PHEX: variants seen among roughly 807,000 people sequenced by gnomAD.
PHEX encodes the protein phosphate-regulating neutral endopeptidase PHEX.
A neutral mutation model predicts 68.0 loss-of-function variants in PHEX; 16 were observed. The ratio of observed to expected loss-of-function variants is 0.24; its 90% CI spans 0.16 to 0.36. The LOEUF is 0.36. Ranked by LOEUF, PHEX falls within the 10% of genes least tolerant of loss-of-function variation. The pLI, the probability that PHEX is intolerant of heterozygous loss-of-function variation, is 1.00. For missense variants in PHEX, 480 were observed against 575.5 expected (o/e 0.83, Z 1.70); for synonymous variants, 208 against 205.1 (o/e 1.01, Z -0.12).
intron 12 of PHEX, among the ~76,000 whole-genome samples, chrX:22,166,769 C>T (rs893104521): frequency 1.8e-5 from 2 of 110,539 alleles, no homozygotes; most frequent in African/African-American, 6.6e-5. Context: ...ATCTTTTGAC[C>T]AACTCCCTAA....
chrX:22,060,220 A>G (rs779348662), intron 3 of PHEX, among the ~76,000 whole-genome samples: 3 of 110,857 alleles, frequency 2.7e-5, no homozygotes, highest in African/African-American at 9.8e-5. Flanking sequence ...AGTGCAAATG[A>G]TTGGAAATAG....
At chrX:22,170,963 C>A (rs1933504776) in intron 13 of PHEX, among the ~76,000 whole-genome samples, 1 of 112,365 alleles carries the variant, frequency 8.9e-6, no homozygotes, top group Admixed American at 9.4e-5. Context: ...TTTCATCTGA[C>A]TCATTGCCAA....
intron 3 of PHEX, among the ~76,000 whole-genome samples, chrX:22,058,201 G>A (rs1269263804): frequency 2.7e-5 from 3 of 110,735 alleles, no homozygotes; most frequent in East Asian, 5.6e-4. Context: ...AAAAAAAAAA[G>A]GGATTCTGCC....
chrX:22,234,186 C>CT (rs1187263732), intron 20 of PHEX, among the ~76,000 whole-genome samples: 1 of 112,900 alleles, frequency 8.9e-6, no homozygotes, highest in Non-Finnish European at 1.9e-5. Context: ...GGGGCACCTG[C>CT]CAGATGCCAG....
chrX:22,083,014 A>G (rs1929463768), intron 5 of PHEX, among the ~76,000 whole-genome samples: 1 of 111,886 alleles, frequency 8.9e-6, no homozygotes, highest in Non-Finnish European at 1.9e-5. Flanking sequence ...GGATACATAG[A>G]TCAATGGAAG....
chrX:22,097,839 C>G (rs1165790366), intron 8 of PHEX: 3 of 255,541 alleles, frequency 1.2e-5, no homozygotes, highest in Non-Finnish European at 1.6e-5. Context: ...GTGATCTTGG[C>G]TCATTGCAAC....
At chrX:22,225,925 C>CTGTT (rs890688154) in intron 18 of PHEX, among the ~76,000 whole-genome samples, 15 of 112,094 alleles carry the variant, frequency 1.3e-4, no homozygotes, top group African/African-American at 4.2e-4. Flanking sequence ...TGCACTACTT[C>CTGTT]TGTTTGATTT....
chrX:22,052,931 C>T (rs1233033191), intron 3 of PHEX, among the ~76,000 whole-genome samples: 7 of 110,215 alleles, frequency 6.4e-5, no homozygotes, highest in Non-Finnish European at 1.1e-4. Flanking sequence ...ACTACTTGTA[C>T]CCTAAAAGCT....
intron 3 of PHEX, among the ~76,000 whole-genome samples, chrX:22,064,392 G>A (rs12010950): frequency 0.044 from 4,934 of 111,667 alleles, 276 homozygotes; most frequent in African/African-American, 0.15. Context: ...ATAAGTGAGA[G>A]CATGCAGTAT....
chrX:22,209,583 C>A (rs958920410), intron 15 of PHEX, among the ~76,000 whole-genome samples: 1 of 110,050 alleles, frequency 9.1e-6, no homozygotes, highest in African/African-American at 3.3e-5. Context: ...ACACTCCCAT[C>A]AACATGCTTC....
chrX:22,125,043 G>T (rs1425565945), intron 11 of PHEX, among the ~76,000 whole-genome samples: 1 of 111,382 alleles, frequency 9.0e-6, no homozygotes, highest in Non-Finnish European at 1.9e-5. Context: ...TTTTTTATCA[G>T]GAGCCAATCC....
In PHEX at chrX:22,126,864, GTTTTTTTTTT is replaced by G. The variant is rs35691469; in HGVS notation, c.1303-6643_1303-6634del. Among the ~76,000 whole-genome samples, 21 of 54,605 alleles carry G rather than the reference GTTTTTTTTTT, an allele frequency of 3.8e-4. 1 individual carries two copies. The East Asian group carries it at 6.1e-3, about 16-fold the overall frequency. 47.4% of individuals were successfully genotyped at this position (54,605 alleles called of 115,157 possible). ...TGGATCCATAAAATCTGAAATAGTT[GTTTTTTTTTT>G]TTTTTTTTTTTTTTTGAGACAGAGT... On this transcript the variant is annotated intron_variant, in intron 11 of 21. Transcript: ENST00000379374.
At chrX:22,081,208 AGGGTATT>A (rs1268252667) in intron 5 of PHEX, among the ~76,000 whole-genome samples, 1 of 110,327 alleles carries the variant, frequency 9.1e-6, no homozygotes, top group African/African-American at 3.3e-5. Context: ...GTCTTTTCCT[AGGGTATT>A]GGGAAACTGC....
intron 20 of PHEX, among the ~76,000 whole-genome samples, chrX:22,237,517 G>C (rs1325078227): frequency 9.0e-6 from 1 of 111,082 alleles, no homozygotes; most frequent in African/African-American, 3.3e-5. Flanking sequence ...AACCTTCCTG[G>C]TATCTATAAA....
chrX:22,245,743 A>G (rs1170092411), intron 21 of PHEX, among the ~76,000 whole-genome samples: 2 of 111,743 alleles, frequency 1.8e-5, no homozygotes, highest in Non-Finnish European at 3.8e-5. Flanking sequence ...TTAGTATTAC[A>G]TCCCATTATC....
intron 13 of PHEX, 58 bp downstream of exon 13, chrX:22,168,447 C>T: frequency 1.3e-6 from 1 of 750,592 alleles, no homozygotes; most frequent in Non-Finnish European, 2.1e-6. Context: ...GGCCTTGTGC[C>T]TTTCAACTAA....
intron 12 of PHEX, among the ~76,000 whole-genome samples, chrX:22,137,763 G>C (rs141478954): frequency 9.0e-6 from 1 of 111,700 alleles, no homozygotes; most frequent in East Asian, 2.8e-4. Context: ...CGTGAAAAGG[G>C]TTGGGAACCC....
intron 2 of PHEX, among the ~76,000 whole-genome samples, chrX:22,042,120 G>A (rs1361858588): frequency 9.0e-6 from 1 of 111,500 alleles, no homozygotes; most frequent in African/African-American, 3.3e-5. Context: ...ACAAGAGGCT[G>A]TGCGTGCGTG....
chrX:22,169,937 C>T (rs993003199), intron 13 of PHEX: 3 of 112,605 alleles, frequency 2.7e-5, no homozygotes, highest in African/African-American at 6.5e-5. Context: ...TGGCATAATA[C>T]TCTGGCTCAG....
Sources: gnomAD v4.1 joint callset for allele counts (sites outside exome capture counted in the v4.1 genomes callset) on GRCh38, gnomAD v4.1.1 for gene constraint, MANE v1.5 for transcripts, NCBI Gene and HGNC (gene_info 2026-07-23, HGNC 2026-07-21) for gene names.